COL11A1: variants seen among roughly 807,000 people sequenced by gnomAD.
The protein encoded by COL11A1 is collagen alpha-1(XI) chain.
COL11A1 carries 74 observed loss-of-function variants against 265.2 expected under a neutral mutation model. That is an observed-to-expected ratio of 0.28 (90% CI 0.23 to 0.34). COL11A1 has a LOEUF of 0.34. COL11A1 is among the 10% of genes least tolerant of loss of function. The pLI is 1.00. For synonymous variants in COL11A1, 816 were observed against 727.6 expected (o/e 1.12, Z -1.96); for missense variants, 2,165 against 2,263.6 (o/e 0.96, Z 0.88).
At chr1:102,989,476 T>G in intron 29 of COL11A1, 42 bp downstream of exon 29, 3 of 1,238,570 alleles carry the variant, frequency 2.4e-6, no homozygotes, top group Non-Finnish European at 3.5e-6. Flanking sequence ...TATATATATA[T>G]ATTAAATTTT....
chr1:103,097,084 C>G (rs191755693), intron 1 of COL11A1, among the ~76,000 whole-genome samples: 11 of 152,074 alleles, frequency 7.2e-5, no homozygotes, highest in Admixed American at 5.3e-4. Flanking sequence ...AACAACATGG[C>G]CCCAGTTCAC....
intron 4 of COL11A1, among the ~76,000 whole-genome samples, chr1:103,071,562 C>A (rs1294867752): frequency 6.9e-6 from 1 of 145,114 alleles, no homozygotes; most frequent in African/African-American, 2.5e-5. Context: ...CAGGTGTTAC[C>A]TCTGTCTAGA....
intron 24 of COL11A1, chr1:103,001,003 A>C (rs1052516640): frequency 3.3e-5 from 13 of 392,316 alleles, no homozygotes; most frequent in African/African-American, 2.5e-4. Flanking sequence ...TAAAGGTCAC[A>C]TACACATTCA....
chr1:103,068,217 T>C (rs1671302150), intron 4 of COL11A1, among the ~76,000 whole-genome samples: 1 of 151,702 alleles, frequency 6.6e-6, no homozygotes, highest in Non-Finnish European at 1.5e-5. Context: ...TGGAATTATA[T>C]GTTACATTAA....
intron 4 of COL11A1, among the ~76,000 whole-genome samples, chr1:103,039,146 T>C (rs903118519): frequency 5.3e-5 from 8 of 152,210 alleles, no homozygotes; most frequent in African/African-American, 1.9e-4. Context: ...CTTTTATTTA[T>C]TTTTGAACTG....
chr1:102,928,980 T>G (rs570220821), intron 46 of COL11A1, among the ~76,000 whole-genome samples: 1,603 of 106,160 alleles, frequency 0.015, 24 homozygotes, highest in Middle Eastern at 0.054. Flanking sequence ...CATTGTAGAT[T>G]CTGGATATTA....
intron 4 of COL11A1, among the ~76,000 whole-genome samples, chr1:103,055,997 T>G (rs1670217442): frequency 6.6e-6 from 1 of 152,244 alleles, no homozygotes; most frequent in Non-Finnish European, 1.5e-5. Flanking sequence ...ATGCAGATTA[T>G]AGAAGAGAGT....
chr1:103,002,089 C>A, intron 23 of COL11A1, 120 bp from the exon 24 acceptor site: 1 of 855,264 alleles, frequency 1.2e-6, no homozygotes, highest in East Asian at 2.6e-5. Flanking sequence ...TATATATTCC[C>A]ATACACCCCA....
At chr1:102,993,871 T>G (rs1570970970) in intron 28 of COL11A1, among the ~76,000 whole-genome samples, 1 of 152,142 alleles carries the variant, frequency 6.6e-6, no homozygotes, top group East Asian at 1.9e-4. Context: ...TTTTTTGTTT[T>G]TCTAGTATCT....
chr1:102,952,358 A>C (rs1161163322), intron 41 of COL11A1, among the ~76,000 whole-genome samples: 1 of 152,180 alleles, frequency 6.6e-6, no homozygotes, highest in African/African-American at 2.4e-5. Context: ...TGGCCTCCCA[A>C]AGTGCTGGAA....
At chr1:102,901,617 T>C (rs1039832197) in intron 54 of COL11A1, among the ~76,000 whole-genome samples, 1 of 152,216 alleles carries the variant, frequency 6.6e-6, no homozygotes, top group Non-Finnish European at 1.5e-5. Flanking sequence ...TGGTGAGCTC[T>C]TGCTGCACTT....
intron 4 of COL11A1, among the ~76,000 whole-genome samples, chr1:103,060,205 A>G (rs1670563790): frequency 6.6e-6 from 1 of 152,138 alleles, no homozygotes; most frequent in Non-Finnish European, 1.5e-5. Flanking sequence ...AGTGAAATAT[A>G]TAGTGTTGAG....
intron 1 of COL11A1, among the ~76,000 whole-genome samples, chr1:103,086,886 A>C (rs1356549417): frequency 6.6e-6 from 1 of 151,916 alleles, no homozygotes; most frequent in Non-Finnish European, 1.5e-5. Context: ...AGTTTATTTT[A>C]TTTCAAGTGA....
At chr1:103,024,980 T>C (rs1667406792) in intron 7 of COL11A1, among the ~76,000 whole-genome samples, 1 of 152,120 alleles carries the variant, frequency 6.6e-6, no homozygotes, top group Non-Finnish European at 1.5e-5. Context: ...TCATAGAAAA[T>C]AATGGAAAGA....
rs72985771 is a variant in COL11A1 at position 102,978,614 on chromosome 1, C to T, written c.2754+94G>A. On this transcript the variant is annotated intron_variant, in intron 35 of 66. Coordinates refer to ENST00000370096, the MANE Select transcript of COL11A1 (RefSeq NM_001854.4). ...ACTAGATTTTGTGGATAGACATGCA[C>T]ATGTATTAGCAGACATATATCTTTT... 4.2e-3 allele frequency: 5,527 copies of T among 1,309,480 alleles called. 168 individuals are homozygous for T. The African/African-American group carries it at 0.071, about 17-fold the overall frequency. The allele number at this position is 1,309,480 out of a possible 1,614,324, so 81.1% of individuals were successfully genotyped here.
chr1:102,946,762 G>T (rs1659329522), intron 42 of COL11A1, 87 bp downstream of exon 42: 1 of 1,003,352 alleles, frequency 1.0e-6, no homozygotes, highest in Non-Finnish European at 1.5e-6. Context: ...GAATACGGTG[G>T]TGTATGAAAA....
chr1:102,999,404 C>T (rs754500443), intron 24 of COL11A1, among the ~76,000 whole-genome samples: 4 of 151,876 alleles, frequency 2.6e-5, no homozygotes, highest in Non-Finnish European at 4.4e-5. Flanking sequence ...AAGTTCCTCC[C>T]TTTAACTAAT....
chr1:103,050,454 G>T (rs1331708421), intron 4 of COL11A1, among the ~76,000 whole-genome samples: 1 of 152,034 alleles, frequency 6.6e-6, no homozygotes, highest in African/African-American at 2.4e-5. Flanking sequence ...AGTTCCATCA[G>T]GTCCTTTAAG....
chr1:102,982,314 A>G (rs1663115869), intron 31 of COL11A1, among the ~76,000 whole-genome samples: 1 of 152,050 alleles, frequency 6.6e-6, no homozygotes, highest in South Asian at 2.1e-4. Context: ...TTTTAAATAA[A>G]TTCATAAAAT....
Sources: gnomAD v4.1 joint callset for allele counts (sites outside exome capture counted in the v4.1 genomes callset) on GRCh38, gnomAD v4.1.1 for gene constraint, MANE v1.5 for transcripts, NCBI Gene and HGNC (gene_info 2026-07-23, HGNC 2026-07-21) for gene names.